PMM1: variants seen among roughly 807,000 people sequenced by gnomAD.
The protein encoded by PMM1 is brain glucose-1,6-bisphosphatase.
PMM1 carries 25 observed loss-of-function variants against 34.0 expected under a neutral mutation model. That is an observed-to-expected ratio of 0.73 (90% CI 0.54 to 1.03). The LOEUF (loss-of-function observed/expected upper bound fraction) is 1.03. PMM1 is among the 50% of genes least tolerant of loss of function. The pLI is 0.00. For missense variants in PMM1, 321 were observed against 350.1 expected, an observed-to-expected ratio of 0.92 and a Z score of 0.66; for synonymous variants, 134 against 143.9, an observed-to-expected ratio of 0.93 and a Z score of 0.49.
chr22:41,582,522 C>G (rs1004058342), intron 5 of PMM1, among the ~76,000 whole-genome samples: 1 of 152,174 alleles, frequency 6.6e-6, no homozygotes, highest in African/African-American at 2.4e-5. Flanking sequence ...CAGAGGAGAA[C>G]AAGCCGCAGA....
intron 1 of PMM1, among the ~76,000 whole-genome samples, chr22:41,587,785 T>G (rs893819256): frequency 6.6e-6 from 1 of 152,310 alleles, no homozygotes; most frequent in African/African-American, 2.4e-5. Context: ...CCACATTAAC[T>G]TGGGGAGCCG....
chr22:41,588,603 C>G, intron 1 of PMM1: 1 of 966,166 alleles, frequency 1.0e-6, no homozygotes, highest in Non-Finnish European at 1.2e-6. Context: ...GATCTGCCCA[C>G]CATGGCCTCC....
Position 41,576,990 on chromosome 22 carries a change from C to T in PMM1, c.*328G>A, listed in dbSNP as rs2067180933. The T allele has an allele frequency of 4.9e-6, 2 of 405,570 alleles. No individual in the cohort carries two copies. Among genetic ancestry groups the T allele is most frequent in the South Asian group, 4.4e-5 (2 of 45,128 alleles). 25.1% of individuals were successfully genotyped at this position (405,570 alleles called of 1,614,324 possible). On this transcript the variant is annotated 3_prime_UTR_variant, in exon 8 of 8. Coordinates refer to ENST00000216259, the MANE Select transcript of PMM1 (RefSeq NM_002676.3). ...CATCGCCCAGGGCAGGCAGGCAGGG[C>T]AGGCTAGATCTCGTACCGATACTTG...
rs542045199 is a variant in PMM1, at chr22:41,589,686, C to T, written c.87+33G>A. 6.7e-5 allele frequency: 106 copies of T among 1,576,876 alleles called. No homozygotes were observed. In the African/African-American group the frequency reaches 1.1e-3, roughly 17 times the overall value. On this transcript the variant is annotated intron_variant, in intron 1 of 7. Coordinates refer to ENST00000216259, the MANE Select transcript of PMM1 (RefSeq NM_002676.3). Reference sequence around the variant, plus strand: ...GCCTCGGGGGTGTCCGCGTGACACTCCCGGTGGGAGCTTCCAATCTTCAGG... The same window carrying T: ...GCCTCGGGGGTGTCCGCGTGACACTTCCGGTGGGAGCTTCCAATCTTCAGG...
chr22:41,582,731 C>T (rs1003468156), intron 5 of PMM1, among the ~76,000 whole-genome samples: 5 of 151,930 alleles, frequency 3.3e-5, no homozygotes, highest in Admixed American at 6.6e-5. Flanking sequence ...AGGGGAGGGA[C>T]GAGCTGGGCC....
intron 5 of PMM1, among the ~76,000 whole-genome samples, chr22:41,580,979 G>A (rs968809426): frequency 1.3e-5 from 2 of 152,154 alleles, no homozygotes; most frequent in East Asian, 1.9e-4. Flanking sequence ...GCTGGGCGTG[G>A]TGGCAGGCGC....
chr22:41,582,859 G>C (rs2067261690), intron 5 of PMM1, among the ~76,000 whole-genome samples: 1 of 152,190 alleles, frequency 6.6e-6, no homozygotes, highest in Admixed American at 6.5e-5. Flanking sequence ...GAATGACGTG[G>C]ACGGGCCAGC....
chr22:41,580,118 C>T (rs2145613684), intron 5 of PMM1: 1 of 152,460 alleles, frequency 6.6e-6, no homozygotes, highest in East Asian at 1.9e-4. Flanking sequence ...GCTGCACCTC[C>T]CTTCTCTGGA....
chr22:41,579,014 T>A, intron 5 of PMM1, 133 bp from the exon 6 acceptor site: 1 of 710,902 alleles, frequency 1.4e-6, no homozygotes, highest in Non-Finnish European at 2.4e-6. Flanking sequence ...ATGCGCAAAC[T>A]AAGGCTCAGA....
chr22:41,583,841 A>G, intron 5 of PMM1, 118 bp downstream of exon 5: 1 of 714,538 alleles, frequency 1.4e-6, no homozygotes, highest in Admixed American at 2.1e-5. Flanking sequence ...GGTGCCTGAA[A>G]GGGTATCAGT....
At chr22:41,589,182 G>C in intron 1 of PMM1, 1 of 1,210,254 alleles carries the variant, frequency 8.3e-7, no homozygotes, top group South Asian at 1.3e-5. Flanking sequence ...GGAAGGTAAA[G>C]TGGGTGATGG....
At position 41,577,385 on chromosome 22, in the gene PMM1, A is replaced by G. The variant is rs779826011; in HGVS notation, c.722T>C (p.Val241Ala). 2.5e-6 allele frequency: 4 copies of G among 1,612,940 alleles called. No homozygotes were observed. The highest frequency in any genetic ancestry group is 2.2e-5 in the South Asian group (2 of 91,078). ...TCGCTGCACCGTGTCCTGAGGAGACACCACGCTGTGGCCAACAGTCCGGGG... is the reference window on the plus strand; with the variant it reads ...TCGCTGCACCGTGTCCTGAGGAGACGCCACGCTGTGGCCAACAGTCCGGGG... ...ADPRTVGHSV[V>A]SPQDTVQRCR... The change falls in exon 8 of 8, where the codon GTG (valine) becomes GCG (alanine). Residue 241 changes from valine (V) to alanine (A), a missense_variant. Physicochemically the swap from Val to Ala is moderately conservative, Grantham distance 64 (BLOSUM62 0). Coordinates refer to ENST00000216259, the MANE Select transcript of PMM1 (RefSeq NM_002676.3).
chr22:41,578,708 A>G (rs565242813), intron 6 of PMM1, 98 bp downstream of exon 6: 1 of 991,094 alleles, frequency 1.0e-6, no homozygotes, highest in South Asian at 1.4e-5. Context: ...AGGGGCTACT[A>G]AAGCTACTGG....
intron 3 of PMM1, 59 bp downstream of exon 3, chr22:41,584,468 T>A (rs953693647): frequency 5.7e-6 from 9 of 1,576,016 alleles, no homozygotes; most frequent in Non-Finnish European, 7.9e-6. Flanking sequence ...GAAGCCCCCT[T>A]GGACTGCTCC....
At chr22:41,587,583 T>G (rs78602228) in intron 1 of PMM1, among the ~76,000 whole-genome samples, 1,583 of 152,216 alleles carry the variant, frequency 0.01, 27 homozygotes, top group African/African-American at 0.037. Flanking sequence ...ATAGCGCCAC[T>G]GCACTCCAGA....
chr22:41,588,774 G>C, intron 1 of PMM1: 11 of 980,188 alleles, frequency 1.1e-5, no homozygotes, highest in Non-Finnish European at 1.3e-5. Flanking sequence ...GGACCTAAGA[G>C]AGGAGGCTAA....
intron 2 of PMM1, chr22:41,585,359 A>C (rs956505155): frequency 6.6e-6 from 1 of 152,160 alleles, no homozygotes; most frequent in African/African-American, 2.4e-5. Context: ...CCTCTGTTAA[A>C]TGGGATGATC....
intron 5 of PMM1, among the ~76,000 whole-genome samples, chr22:41,583,255 G>A (rs533177245): frequency 2.6e-5 from 4 of 152,280 alleles, no homozygotes; most frequent in Admixed American, 2.0e-4. Context: ...CGAGGCAGGC[G>A]GATCACCTTA....
rs111937875 is a variant in PMM1 at position 41,583,638 on chromosome 22, T to G, written c.474+321A>C. Among the ~76,000 whole-genome samples the G allele has an allele frequency of 6.6e-3, 1,010 of 152,158 alleles. 11 individuals carry two copies. The highest frequency in any genetic ancestry group is 0.022 in the African/African-American group (923 of 41,524). On this transcript the variant is annotated intron_variant, in intron 5 of 7. Transcript: ENST00000216259. Reference sequence around the variant, plus strand: ...GAAAGTGGGGTCTCAGTTCTGCAGATGAACAGATTTGACACTGACTCGAGA... The same window carrying G: ...GAAAGTGGGGTCTCAGTTCTGCAGAGGAACAGATTTGACACTGACTCGAGA...
Sources: gnomAD v4.1 joint callset for allele counts (sites outside exome capture counted in the v4.1 genomes callset) on GRCh38, gnomAD v4.1.1 for gene constraint, MANE v1.5 for transcripts, NCBI Gene and HGNC (gene_info 2026-07-23, HGNC 2026-07-21) for gene names.